MDN1: variants seen among roughly 807,000 people sequenced by gnomAD.
The protein encoded by MDN1 is midasin.
MDN1 carries 266 observed loss-of-function variants against 669.2 expected under a neutral mutation model. That is an observed-to-expected ratio of 0.40 (90% confidence interval 0.36 to 0.44). The LOEUF is 0.44. Among genes scored for constraint, MDN1 ranks in the 20% least tolerant of loss-of-function variants. MDN1 has a pLI of 1.00. For synonymous variants in MDN1, 2,385 were observed against 2,457.1 expected, an observed-to-expected ratio of 0.97 and a Z score of 0.87; for missense variants, 5,940 against 6,754.0, an observed-to-expected ratio of 0.88 and a Z score of 4.22.
chr6:89,710,816 G>A (rs764026754), intron 49 of MDN1, 22 bp from the exon 50 acceptor site: 1 of 1,412,962 alleles, frequency 7.1e-7, no homozygotes, highest in South Asian at 1.2e-5. Flanking sequence ...GGAGAAACCA[G>A]TGTTAGACTC....
rs1293677916 is a variant in MDN1, at chr6:89,652,199, G to T, written c.15908C>A (p.Pro5303Gln). Reference protein sequence around the residue: ...EMWQPRESGNPEEEKVAAEMW... With the variant: ...EMWQPRESGNQEEEKVAAEMW... ...CAGTGAGCAGTGACTTACCTCCTCT[G>T]GGTTTCCAGATTCACGTGGCTGCCA... Residue 5303 changes from proline (P) to glutamine (Q), a missense_variant, in exon 95 of 102, where the codon CCA (proline) becomes CAA (glutamine). Coordinates refer to ENST00000369393, the MANE Select transcript of MDN1 (RefSeq NM_014611.3). 2.5e-6 allele frequency: 4 copies of T among 1,613,694 alleles called. No homozygotes were observed.
At chr6:89,750,665 C>T (rs1816890232) in intron 23 of MDN1, 133 bp from the exon 24 acceptor site, 1 of 870,638 alleles carries the variant, frequency 1.1e-6, no homozygotes, top group Non-Finnish European at 1.8e-6. Flanking sequence ...TATGGTGGTG[C>T]AATCATAGCT....
chr6:89,673,192 T>A, intron 80 of MDN1, 44 bp downstream of exon 80: 1 of 1,502,128 alleles, frequency 6.7e-7, no homozygotes. Context: ...AAGACATCAT[T>A]TCTACACTGG....
rs1378520067 is a variant in MDN1, at chr6:89,653,228, G to A, written c.15662-73C>T. ...ACTGACCAAGCCTTTGCTATTGCCTGTTAATCCTGAAAATTAATCAAACTT... is the reference window on the plus strand; with the variant it reads ...ACTGACCAAGCCTTTGCTATTGCCTATTAATCCTGAAAATTAATCAAACTT... On this transcript the variant is annotated intron_variant, in intron 93 of 101. Coordinates refer to ENST00000369393, the MANE Select transcript of MDN1 (RefSeq NM_014611.3). 2.2e-6 allele frequency: 3 copies of A among 1,389,304 alleles called. No individual in the cohort carries two copies. In the Admixed American group the frequency reaches 6.7e-5, roughly 31 times the overall value. The allele number at this position is 1,389,304 out of a possible 1,614,324, so 86.1% of individuals were successfully genotyped here.
chr6:89,659,300 G>A (rs1045698250), intron 88 of MDN1, among the ~76,000 whole-genome samples: 1 of 152,216 alleles, frequency 6.6e-6, no homozygotes, highest in Non-Finnish European at 1.5e-5. Context: ...TTGAGCCCAG[G>A]AGGTCAAGGC....
At chr6:89,653,899 A>G (rs892441596) in intron 93 of MDN1, among the ~76,000 whole-genome samples, 1 of 152,234 alleles carries the variant, frequency 6.6e-6, no homozygotes, top group East Asian at 1.9e-4. Flanking sequence ...TTTCTTCTAC[A>G]TATTTTTTAA....
At chr6:89,810,901 A>G (rs1306861177) in intron 1 of MDN1, among the ~76,000 whole-genome samples, 1 of 152,134 alleles carries the variant, frequency 6.6e-6, no homozygotes, top group Non-Finnish European at 1.5e-5. Flanking sequence ...AGGCAGGAGA[A>G]TTGCTTGAAC....
intron 23 of MDN1, 98 bp downstream of exon 23, chr6:89,751,333 A>ACT (rs1816935384): frequency 7.1e-7 from 1 of 1,401,850 alleles, no homozygotes; most frequent in African/African-American, 1.4e-5. Context: ...CCAATGAATA[A>ACT]GAATAAAGCT....
chr6:89,678,997 C>T (rs889202005), intron 74 of MDN1, among the ~76,000 whole-genome samples: 1 of 152,256 alleles, frequency 6.6e-6, no homozygotes, highest in African/African-American at 2.4e-5. Flanking sequence ...AATAACAACC[C>T]GAACAGCAGC....
chr6:89,736,029 T>C (rs1228620610), intron 33 of MDN1, among the ~76,000 whole-genome samples: 1 of 152,218 alleles, frequency 6.6e-6, no homozygotes, highest in East Asian at 1.9e-4. Flanking sequence ...AAATCTTAAC[T>C]ATCTTTAAAG....
chr6:89,745,235 G>C, intron 29 of MDN1, 38 bp downstream of exon 29: 1 of 1,577,146 alleles, frequency 6.3e-7, no homozygotes, highest in African/African-American at 1.4e-5. Flanking sequence ...CTATGGAATT[G>C]AAATGAACCC....
In MDN1 at chr6:89,743,362, G is replaced by A. The variant is rs546474381; in HGVS notation, c.4318-82C>T. On this transcript the variant is annotated intron_variant, in intron 30 of 101. Transcript: ENST00000369393. ...CATGCAGCTGGCTGGTGTTTCCAGG[G>A]GTGAAGTAGGCATTCTGAGGAAAGT... The A allele has an allele frequency of 2.7e-5, 42 of 1,538,774 alleles. 1 individual carries two copies. In the South Asian group the frequency reaches 4.1e-4, roughly 15 times the overall value.
At chr6:89,685,149 T>C (rs1247656847) in intron 70 of MDN1, among the ~76,000 whole-genome samples, 164 bp from the exon 71 acceptor site, 2 of 152,114 alleles carry the variant, frequency 1.3e-5, no homozygotes. Context: ...TGTCTGAGTT[T>C]AGCATTTCCC....
In MDN1 at chr6:89,690,131, T is replaced by C. The variant is rs756507719; in HGVS notation, c.10762A>G (p.Ile3588Val). The C allele has an allele frequency of 6.2e-7, 1 of 1,614,054 alleles. No homozygotes were observed. The highest frequency in any genetic ancestry group is 2.2e-5 in the East Asian group (1 of 44,902). Residue 3588 changes from isoleucine to valine, a missense_variant, in exon 65 of 102, where the codon ATT becomes GTT. Coordinates refer to ENST00000369393, the MANE Select transcript of MDN1 (RefSeq NM_014611.3). The stretch of plus-strand genomic sequence containing the variant: ...TCCTCCAACGTTGGCTGCACCAAAA[T>C]ATCTGCAAAGTCCTATAAATAGCAT... Reference protein sequence around the residue: ...FPLHEKDFADILVQPTLEENK... With the variant: ...FPLHEKDFADVLVQPTLEENK...
chr6:89,734,686 A>G (rs1202141958), intron 33 of MDN1, among the ~76,000 whole-genome samples: 4 of 117,272 alleles, frequency 3.4e-5, no homozygotes, highest in Admixed American at 1.8e-4. Context: ...AAAAAAAAAA[A>G]AAACAAGAGA....
At chr6:89,762,292 C>A in intron 16 of MDN1, 27 bp downstream of exon 16, 1 of 1,587,226 alleles carries the variant, frequency 6.3e-7, no homozygotes, top group South Asian at 1.1e-5. Flanking sequence ...ATGCCCTCCC[C>A]CATGGCAGCC....
At position 89,729,049 on chromosome 6, in the gene MDN1, T is replaced by C. The variant is rs769709155; in HGVS notation, c.5231A>G (p.Lys1744Arg). Residue 1744 changes from lysine (K) to arginine (R), a missense_variant, in exon 36 of 102, where the codon AAA becomes AGA. Lys to Arg is a conservative substitution (Grantham distance 26). Around this residue, in one of 5 missense-constraint regions of MDN1, gnomAD observed 2,292 missense variants for 2,638.3 expected, o/e 0.87. Transcript: ENST00000369393. The part of the protein sequence containing the change: ...MNAQRLLRAT[K>R]LKKPILLEGS... ...CTCCAGGAGAATGGGCTTCTTCAGT[T>C]TGGTAGCTCTTAAGAGCCTCTGTGC... 4 of 1,613,948 alleles carry C rather than the reference T, an allele frequency of 2.5e-6. No homozygotes were observed. The highest frequency in any genetic ancestry group is 1.7e-5 in the Admixed American group (1 of 59,976).
intron 35 of MDN1, among the ~76,000 whole-genome samples, chr6:89,729,677 G>GTTTTTTTTTTTTTTTTTT (rs35914010): frequency 4.0e-4 from 40 of 100,762 alleles, no homozygotes; most frequent in Middle Eastern, 6.8e-3. Context: ...TTTTGTTTTC[G>GTTTTTTTTTTTTTTTTTT]TTTTTTTTTT....
rs1815683048 is a variant in MDN1 at position 89,732,748 on chromosome 6, T to A, written c.4751A>T (p.Asp1584Val). The A allele has an allele frequency of 1.9e-6, 3 of 1,613,878 alleles. No homozygotes were observed. In the Admixed American group the frequency reaches 5.0e-5, roughly 27 times the overall value. ...KGSDIPEVML[D>V]FIDWLTHQEF... ...TTGGTGGGTCAGCCAGTCAATGAAA[T>A]CCAGCATCACTTCAGGTATGTCAGA... is the stretch of plus-strand genomic sequence containing the variant. The change falls in exon 34 of 102, where the codon GAT becomes GTT. Residue 1584 changes from aspartate (D) to valine (V), a missense_variant. This residue lies in a region of MDN1 where 2,292 missense variants were observed against 2,638.3 expected (regional missense o/e 0.87). Transcript: ENST00000369393.
Sources: allele counts gnomAD v4.1 joint callset (sites outside exome capture counted in the v4.1 genomes callset), GRCh38; gene constraint gnomAD v4.1.1; regional missense constraint gnomAD v4.1.1; transcripts MANE v1.5; gene names NCBI Gene and HGNC (gene_info 2026-07-23, HGNC 2026-07-21).